GRM8: variants seen among roughly 807,000 people sequenced by gnomAD.
The protein encoded by GRM8 is metabotropic glutamate receptor 8.
GRM8 carries 47 observed loss-of-function variants against 87.2 expected under a neutral mutation model. That is an observed-to-expected ratio of 0.54 (90% CI 0.43 to 0.69). The LOEUF is 0.69. Ranked by LOEUF, GRM8 falls within the 30% of genes least tolerant of loss-of-function variation. The pLI is 0.00. For synonymous variants in GRM8, 396 were observed against 404.5 expected (o/e 0.98, Z 0.25); for missense variants, 1,019 against 1,139.2 (o/e 0.89, Z 1.52).
intron 3 of GRM8, among the ~76,000 whole-genome samples, chr7:127,072,522 A>T (rs1821802216): frequency 6.6e-6 from 1 of 151,978 alleles, no homozygotes; most frequent in African/African-American, 2.4e-5. Flanking sequence ...TTTAGCATTT[A>T]TATCTGCATC....
At chr7:127,022,967 A>G (rs968167543) in intron 3 of GRM8, among the ~76,000 whole-genome samples, 1 of 152,118 alleles carries the variant, frequency 6.6e-6, no homozygotes, top group South Asian at 2.1e-4. Flanking sequence ...CGGTAGTAAC[A>G]TAATAAATTA....
rs755288376 is a variant in GRM8, at chr7:126,904,563, T to C, written c.848A>G (p.Asn283Ser). 3.7e-6 allele frequency: 6 copies of C among 1,613,776 alleles called. No homozygotes were observed. Among genetic ancestry groups the C allele is most frequent in the Non-Finnish European group, 4.2e-6 (5 of 1,179,708 alleles). The change falls in exon 4 of 11, where the codon AAT becomes AGT. Residue 283 changes from asparagine to serine, a missense_variant. Transcript: ENST00000339582. ...TAATCAGCACCTGATGTCATCCTCA[T>C]TGGCAAACATAATCACTGCTCGAGC... is the stretch of plus-strand genomic sequence containing the variant. Reference protein sequence around the residue: ...PNARAVIMFANEDDIRRILEA... With the variant: ...PNARAVIMFASEDDIRRILEA...
intron 8 of GRM8, among the ~76,000 whole-genome samples, chr7:126,591,267 TA>T (rs917495303): frequency 3.3e-5 from 5 of 151,962 alleles, no homozygotes; most frequent in African/African-American, 1.2e-4. Context: ...CAACAGCAGT[TA>T]AAAAAGACAA....
At chr7:126,907,100 GAGA>G (rs142235683) in intron 3 of GRM8, among the ~76,000 whole-genome samples, 22,938 of 151,644 alleles carry the variant, frequency 0.15, 1,991 homozygotes, top group Non-Finnish European at 0.21. Flanking sequence ...AGAAGAGCAG[GAGA>G]AGGAGGAGGA....
At chr7:126,514,386 A>C (rs750061069) in intron 9 of GRM8, among the ~76,000 whole-genome samples, 15 of 152,154 alleles carry the variant, frequency 9.9e-5, no homozygotes, top group Non-Finnish European at 1.6e-4. Flanking sequence ...TGGAGACATT[A>C]GGCTTCAAAA....
intron 9 of GRM8, among the ~76,000 whole-genome samples, chr7:126,525,949 C>T (rs751197030): frequency 1.6e-4 from 25 of 152,132 alleles, no homozygotes; most frequent in Non-Finnish European, 3.1e-4. Context: ...TTAGATAGCC[C>T]GGAATATATA....
At chr7:126,487,584 C>A (rs1366302380) in intron 9 of GRM8, among the ~76,000 whole-genome samples, 1 of 151,912 alleles carries the variant, frequency 6.6e-6, no homozygotes, top group Non-Finnish European at 1.5e-5. Context: ...TATTAAAATC[C>A]ATTGGTCAAT....
chr7:126,821,472 C>T lies in GRM8; in HGVS notation c.1157-51407G>A, dbSNP rs556420351. On this transcript the variant is annotated intron_variant, in intron 6 of 10. Coordinates refer to ENST00000339582, the MANE Select transcript of GRM8 (RefSeq NM_000845.3). ...CAACATTCCATCCATAGTATAGTTA[C>T]GAACAGGGAATGAAAAAGTTTCCAC... 9.2e-5 allele frequency among the ~76,000 whole-genome samples: 14 copies of T among 152,238 alleles called. No homozygotes were observed. The South Asian group carries it at 2.5e-3, about 27-fold the overall frequency.
At chr7:126,622,094 C>G (rs555506649) in intron 7 of GRM8, among the ~76,000 whole-genome samples, 1 of 152,192 alleles carries the variant, frequency 6.6e-6, no homozygotes, top group African/African-American at 2.4e-5. Flanking sequence ...ACCCAAGAAG[C>G]TGAACATTGT....
At chr7:126,535,639 T>C (rs1815587353) in intron 8 of GRM8, among the ~76,000 whole-genome samples, 1 of 152,178 alleles carries the variant, frequency 6.6e-6, no homozygotes, top group African/African-American at 2.4e-5. Flanking sequence ...AGGTTGCAGG[T>C]CGCTGCCATG....
At chr7:126,491,823 T>C (rs1808051909) in intron 9 of GRM8, among the ~76,000 whole-genome samples, 1 of 152,074 alleles carries the variant, frequency 6.6e-6, no homozygotes, top group Non-Finnish European at 1.5e-5. Context: ...GATCTCACTG[T>C]TTCCTGTCTA....
chr7:126,605,003 T>C (rs1798205006), intron 8 of GRM8, among the ~76,000 whole-genome samples: 1 of 152,198 alleles, frequency 6.6e-6, no homozygotes, highest in Non-Finnish European at 1.5e-5. Flanking sequence ...AAGAATAATA[T>C]GTTGAAACCA....
intron 6 of GRM8, among the ~76,000 whole-genome samples, chr7:126,859,087 A>G (rs1797932650): frequency 6.6e-6 from 1 of 150,984 alleles, no homozygotes; most frequent in Non-Finnish European, 1.5e-5. Flanking sequence ...GGGCACATAT[A>G]CCTCTCCCTA....
chr7:126,455,213 C>T (rs1185658762), intron 9 of GRM8, among the ~76,000 whole-genome samples: 4 of 151,628 alleles, frequency 2.6e-5, no homozygotes, highest in African/African-American at 4.8e-5. Context: ...TACACAGTCA[C>T]GAAGAAGTCA....
At chr7:127,010,854 T>C (rs1335812096) in intron 3 of GRM8, among the ~76,000 whole-genome samples, 1 of 152,056 alleles carries the variant, frequency 6.6e-6, no homozygotes, top group Non-Finnish European at 1.5e-5. Context: ...GTAGATATGA[T>C]ATTCAAAGCC....
chr7:126,475,597 A>T (rs1023552195), intron 9 of GRM8, among the ~76,000 whole-genome samples: 13 of 152,154 alleles, frequency 8.5e-5, no homozygotes, highest in African/African-American at 2.9e-4. Flanking sequence ...ACTTTTAAAA[A>T]ATAGAAATAG....
At chr7:126,983,563 T>G (rs905269425) in intron 3 of GRM8, among the ~76,000 whole-genome samples, 4 of 152,078 alleles carry the variant, frequency 2.6e-5, no homozygotes, top group Non-Finnish European at 5.9e-5. Context: ...CCTCCTACCT[T>G]TAAGTCAACA....
intron 2 of GRM8, among the ~76,000 whole-genome samples, chr7:127,119,777 C>G (rs989427183): frequency 1.3e-5 from 2 of 152,186 alleles, no homozygotes; most frequent in African/African-American, 4.8e-5. Flanking sequence ...TGTCAACACT[C>G]TCTTACTTGG....
intron 2 of GRM8, among the ~76,000 whole-genome samples, chr7:127,213,591 C>A (rs979854840): frequency 6.6e-6 from 1 of 152,164 alleles, no homozygotes; most frequent in Non-Finnish European, 1.5e-5. Flanking sequence ...TAAATTGGGT[C>A]TTCTAATTTT....
Sources: allele counts gnomAD v4.1 joint callset (sites outside exome capture counted in the v4.1 genomes callset), GRCh38; gene constraint gnomAD v4.1.1; transcripts MANE v1.5; gene names NCBI Gene and HGNC (gene_info 2026-07-23, HGNC 2026-07-21).